Variants in SMAD4 observed in about 807,000 individuals in gnomAD.
SMAD4 encodes SMAD family member 4.
In SMAD4, 7 loss-of-function variants were observed where a neutral mutation model predicts 63.2. That is an observed-to-expected ratio of 0.11 (90% CI 0.06 to 0.21). SMAD4 has a LOEUF of 0.21. Ranked by LOEUF, SMAD4 falls within the 10% of genes least tolerant of loss-of-function variation. SMAD4 has a pLI of 1.00. For synonymous variants in SMAD4, 215 were observed against 235.4 expected, an observed-to-expected ratio of 0.91 and a Z score of 0.79; for missense variants, 312 against 693.8, an observed-to-expected ratio of 0.45 and a Z score of 6.18.
chr18:51,034,738 G>T (rs1043049845), intron 1 of SMAD4, among the ~76,000 whole-genome samples: 1 of 151,260 alleles, frequency 6.6e-6, no homozygotes, highest in African/African-American at 2.4e-5. Flanking sequence ...AGAGATGGGG[G>T]TCTCTCTCTG....
At chr18:51,043,679 A>C (rs973064098) in intron 1 of SMAD4, among the ~76,000 whole-genome samples, 2 of 152,250 alleles carry the variant, frequency 1.3e-5, no homozygotes, top group Non-Finnish European at 2.9e-5. Flanking sequence ...TATTCAAAGC[A>C]ACTTGGTATT....
intron 10 of SMAD4, 97 bp from the exon 11 acceptor site, chr18:51,076,541 T>C (rs762873989): frequency 1.7e-5 from 17 of 985,204 alleles, no homozygotes; most frequent in Admixed American, 6.1e-5. Context: ...ATGTGAGAGG[T>C]ATAATGAAAC....
chr18:51,042,009 G>T (rs1041252814), intron 1 of SMAD4, among the ~76,000 whole-genome samples: 1 of 152,080 alleles, frequency 6.6e-6, no homozygotes, highest in East Asian at 1.9e-4. Flanking sequence ...GTAATAATAT[G>T]TTTGGGTCTT....
chr18:51,063,454 C>G (rs1003041227), intron 8 of SMAD4, among the ~76,000 whole-genome samples: 1 of 152,070 alleles, frequency 6.6e-6, no homozygotes, highest in African/African-American at 2.4e-5. Flanking sequence ...ACTCTGTGGC[C>G]TGGGCTGGAG....
intron 1 of SMAD4, among the ~76,000 whole-genome samples, chr18:51,039,019 A>G (rs1378716073): frequency 1.3e-5 from 2 of 152,126 alleles, no homozygotes; most frequent in Non-Finnish European, 2.9e-5. Context: ...AGGCACGAGA[A>G]TCACTTGAAC....
chr18:51,069,643 G>A (rs1327000445), intron 10 of SMAD4, among the ~76,000 whole-genome samples: 5 of 152,192 alleles, frequency 3.3e-5, no homozygotes, highest in African/African-American at 1.2e-4. Flanking sequence ...GTCTCCTGAG[G>A]AAATTGAGTT....
chr18:51,068,846 A>C (rs1210338969), intron 10 of SMAD4, among the ~76,000 whole-genome samples: 1 of 152,132 alleles, frequency 6.6e-6, no homozygotes, highest in African/African-American at 2.4e-5. Context: ...GCTTGAGCCC[A>C]GGAGTTCAAG....
At position 51,080,483 on chromosome 18, in the gene SMAD4, C is replaced by CA. The variant is rs1240997337; in HGVS notation, c.*2017dup. ...GGAATAGGAGTGAGTTTTAGAATAA[C>CA]AGATTTTTAAAAATCCAGATGATTT... On this transcript the variant is annotated 3_prime_UTR_variant, in exon 12 of 12. Transcript: ENST00000342988. 2 of 224,560 alleles carry CA rather than the reference C, an allele frequency of 8.9e-6. No homozygotes were observed. Among genetic ancestry groups the CA allele is most frequent in the East Asian group, 1.3e-4 (2 of 15,326 alleles). The allele number at this position is 224,560 out of a possible 1,614,324, so 13.9% of individuals were successfully genotyped here.
intron 5 of SMAD4, among the ~76,000 whole-genome samples, chr18:51,055,799 C>T (rs1909829770): frequency 6.6e-6 from 1 of 151,878 alleles, no homozygotes; most frequent in Non-Finnish European, 1.5e-5. Context: ...TGTAAACCCA[C>T]ATCAGAATAG....
intron 10 of SMAD4, among the ~76,000 whole-genome samples, chr18:51,073,593 C>T (rs1335204088): frequency 1.3e-5 from 2 of 151,460 alleles, no homozygotes; most frequent in Non-Finnish European, 2.9e-5. Context: ...TGCAGTGGTG[C>T]CATCTTGGCT....
intron 1 of SMAD4, among the ~76,000 whole-genome samples, chr18:51,040,610 A>G (rs1474939228): frequency 1.3e-5 from 2 of 152,226 alleles, no homozygotes; most frequent in African/African-American, 2.4e-5. Flanking sequence ...ATGAATTTAC[A>G]TGAGAACCTC....
Position 51,079,347 on chromosome 18 carries a change from C to T in SMAD4, c.*880C>T, listed in dbSNP as rs1910550601. On this transcript the variant is annotated 3_prime_UTR_variant, in exon 12 of 12. Coordinates refer to ENST00000342988, the MANE Select transcript of SMAD4 (RefSeq NM_005359.6). ...TTTTAAAACACTAAAAGCAGCGTCA[C>T]TCTACCTAATGTCTCACTGTTCTGC... is the stretch of plus-strand genomic sequence containing the variant. The T allele has an allele frequency of 4.3e-6, 1 of 233,308 alleles. No individual in the cohort carries two copies. Among genetic ancestry groups the T allele is most frequent in the African/African-American group, 2.2e-5 (1 of 45,328 alleles). 14.5% of individuals were successfully genotyped at this position (233,308 alleles called of 1,614,324 possible).
rs1331769804 is a variant in SMAD4, at chr18:51,080,535, A to G, written c.*2068A>G. On this transcript the variant is annotated 3_prime_UTR_variant, in exon 12 of 12. Coordinates refer to ENST00000342988, the MANE Select transcript of SMAD4 (RefSeq NM_005359.6). ...ATTAAAACCTTAATCATACATTGAC[A>G]TAATTCATTGCTTCTTTTTTTTGAG... 2 of 209,496 alleles carry G rather than the reference A, an allele frequency of 9.5e-6. No individual in the cohort carries two copies. The highest frequency in any genetic ancestry group is 1.9e-5 in the Non-Finnish European group (2 of 103,274). The allele number at this position is 209,496 out of a possible 1,614,324, so 13.0% of individuals were successfully genotyped here. A position where few individuals can be genotyped will look rare whatever the true frequency, so the allele number is the denominator to read the frequency against.
At chr18:51,066,478 C>T (rs1265817778) in intron 9 of SMAD4, among the ~76,000 whole-genome samples, 1 of 152,040 alleles carries the variant, frequency 6.6e-6, no homozygotes, top group African/African-American at 2.4e-5. Flanking sequence ...AATCTTGGCT[C>T]TATCACTTGC....
At chr18:51,041,529 T>C (rs1035647413) in intron 1 of SMAD4, among the ~76,000 whole-genome samples, 2 of 152,242 alleles carry the variant, frequency 1.3e-5, no homozygotes, top group African/African-American at 4.8e-5. Flanking sequence ...AGCCACCAGA[T>C]GCCCAGTAGT....
At chr18:51,035,392 G>T (rs1038195979) in intron 1 of SMAD4, among the ~76,000 whole-genome samples, 2 of 152,086 alleles carry the variant, frequency 1.3e-5, no homozygotes, top group Non-Finnish European at 2.9e-5. Flanking sequence ...TGAACTCCCT[G>T]TGGGCTTGGT....
rs1314024731 is a variant in SMAD4 at position 51,083,513 on chromosome 18, A to G, written c.*5046A>G. 1 of 228,468 alleles carries G rather than the reference A, an allele frequency of 4.4e-6. No homozygotes were observed. Among genetic ancestry groups the G allele is most frequent in the Admixed American group, 5.7e-5 (1 of 17,578 alleles). The allele number at this position is 228,468 out of a possible 1,614,324, so 14.2% of individuals were successfully genotyped here. On this transcript the variant is annotated 3_prime_UTR_variant, in exon 12 of 12. Coordinates refer to ENST00000342988, the MANE Select transcript of SMAD4 (RefSeq NM_005359.6). ...CTAAGGAAAACCTTTGGTGAAGACA[A>G]TCATTTCTCTCTGTTGATGTGGATA... is the stretch of plus-strand genomic sequence containing the variant.
At chr18:51,048,649 A>G (rs1909616176) in intron 2 of SMAD4, 37 bp from the exon 3 acceptor site, 1 of 1,581,844 alleles carries the variant, frequency 6.3e-7, no homozygotes, top group Non-Finnish European at 8.7e-7. Flanking sequence ...GTCTTGCATA[A>G]TGTGACACAT....
intron 1 of SMAD4, among the ~76,000 whole-genome samples, chr18:51,035,768 C>G (rs1423709437): frequency 6.6e-6 from 1 of 152,152 alleles, no homozygotes; most frequent in East Asian, 1.9e-4. Flanking sequence ...TTTACATCAC[C>G]TGAAGTAGTT....
Sources: allele counts gnomAD v4.1 joint callset (sites outside exome capture counted in the v4.1 genomes callset), GRCh38; gene constraint gnomAD v4.1.1; transcripts MANE v1.5; gene names NCBI Gene and HGNC (gene_info 2026-07-23, HGNC 2026-07-21).